WDR90: variants seen among roughly 807,000 people sequenced by gnomAD.
WDR90 encodes WD repeat-containing protein 90.
WDR90 carries 238 observed loss-of-function variants against 195.2 expected under a neutral mutation model. The ratio of observed to expected loss-of-function variants is 1.22; its 90% CI spans 1.10 to 1.36. The LOEUF (loss-of-function observed/expected upper bound fraction) is 1.36. WDR90 is among the 40% of genes most tolerant of loss of function. WDR90 has a pLI of 0.00. For synonymous variants in WDR90, 1,265 were observed against 1,052.4 expected (o/e 1.20, Z -3.91); for missense variants, 2,734 against 2,439.5 (o/e 1.12, Z -2.54).
Position 667,004 on chromosome 16 carries a change from A to G in WDR90, c.5089+15A>G. On this transcript the variant is annotated intron_variant, in intron 40 of 40. Transcript: ENST00000293879. ...TGGCTTTGCTGGTGAGTGCTGGTGG[A>G]TGCAGTTTGGGCCTGTCTTAGGTGG... is the stretch of plus-strand genomic sequence containing the variant. The G allele has an allele frequency of 6.3e-7, 1 of 1,580,628 alleles. No individual in the cohort carries two copies. Among genetic ancestry groups the G allele is most frequent in the Non-Finnish European group, 8.6e-7 (1 of 1,163,342 alleles).
At chr16:649,613 C>A in intron 1 of WDR90, 150 bp from the exon 2 acceptor site, 1 of 1,138,490 alleles carries the variant, frequency 8.8e-7, no homozygotes, top group Non-Finnish European at 1.1e-6. Flanking sequence ...GGCGCCCGGC[C>A]TCGTCCCGCC....
At chr16:661,316 C>T (rs1372591483) in intron 29 of WDR90, 26 bp from the exon 30 acceptor site, 2 of 1,570,932 alleles carry the variant, frequency 1.3e-6, no homozygotes, top group Admixed American at 3.4e-5. Flanking sequence ...GGCCTCCCCA[C>T]TCACGCCTGG....
At position 667,601 on chromosome 16, in the gene WDR90, G is replaced by T. The variant is rs1295431565; in HGVS notation, c.*12G>T. The T allele has an allele frequency of 1.9e-6, 3 of 1,604,688 alleles. No individual in the cohort carries two copies. The highest frequency in any genetic ancestry group is 1.3e-5 in the African/African-American group (1 of 75,054). On this transcript the variant is annotated 3_prime_UTR_variant, in exon 41 of 41. Transcript: ENST00000293879. ...TCCCCGGCCTCTGAGATGCAGCAGG[G>T]ACTGTGGTGGTGGGCATCACGCCTG...
chr16:651,999 A>G lies in WDR90; in HGVS notation c.1013A>G (p.Glu338Gly). ...AAAGTHVLTHESAEVPVARTG... is the reference protein window; with the variant it reads ...AAAGTHVLTHGSAEVPVARTG... ...GCCGGCACCCACGTGTTGACTCACG[A>G]GTCGGCTGAGGTGCCCGTGGCCCGC... The change falls in exon 9 of 41, where the codon GAG (glutamate) becomes GGG (glycine). Residue 338 changes from glutamate (E) to glycine (G), a missense_variant. Transcript: ENST00000293879. 6.2e-7 allele frequency: 1 copy of G among 1,605,118 alleles called. No homozygotes were observed. The highest frequency in any genetic ancestry group is 8.5e-7 in the Non-Finnish European group (1 of 1,177,166).
chr16:655,209 C>T, intron 14 of WDR90, 62 bp downstream of exon 14: 2 of 1,611,964 alleles, frequency 1.2e-6, no homozygotes, highest in Non-Finnish European at 1.7e-6. Context: ...GGGGCCGAGG[C>T]CCGAGCACCT....
chr16:659,489 T>G (rs1236768708), intron 26 of WDR90, 113 bp downstream of exon 26: 1 of 1,401,912 alleles, frequency 7.1e-7, no homozygotes. Flanking sequence ...GTGCCATCGC[T>G]GCTCATCAGG....
intron 4 of WDR90, 28 bp downstream of exon 4, chr16:650,390 C>G: frequency 6.2e-7 from 1 of 1,601,952 alleles, no homozygotes; most frequent in South Asian, 1.1e-5. Context: ...TGTGGATGAT[C>G]CAGGACAGGT....
intron 18 of WDR90, 91 bp downstream of exon 18, chr16:656,628 C>T: frequency 6.4e-7 from 1 of 1,571,454 alleles, no homozygotes; most frequent in Non-Finnish European, 8.6e-7. Flanking sequence ...CTATAGGGAC[C>T]TGGACTTTCC....
Position 667,595 on chromosome 16 carries a change from A to G in WDR90, c.*6A>G. 1 of 1,605,818 alleles carries G rather than the reference A, an allele frequency of 6.2e-7. No homozygotes were observed. Among genetic ancestry groups the G allele is most frequent in the South Asian group, 1.1e-5 (1 of 91,056 alleles). Reference sequence around the variant, plus strand: ...GGGAGGTCCCCGGCCTCTGAGATGCAGCAGGGACTGTGGTGGTGGGCATCA... The same window carrying G: ...GGGAGGTCCCCGGCCTCTGAGATGCGGCAGGGACTGTGGTGGTGGGCATCA... On this transcript the variant is annotated 3_prime_UTR_variant, in exon 41 of 41. Transcript: ENST00000293879.
In WDR90 at chr16:662,757, C is replaced by T. The variant is rs749258865; in HGVS notation, c.4224C>T (p.Gly1408=). The T allele has an allele frequency of 5.0e-5, 80 of 1,606,158 alleles. No individual in the cohort carries two copies. In the Admixed American group the frequency reaches 7.4e-4, roughly 15 times the overall value. The change falls in exon 34 of 41, where the codon GGC becomes GGT. Residue 1408 remains glycine (G), a synonymous_variant. Transcript: ENST00000293879. ...GCTTCGATGACAGCGTGGACATGGGCGTCGTGGGCACCACGGCGGGCACGC... is the reference window on the plus strand; with the variant it reads ...GCTTCGATGACAGCGTGGACATGGGTGTCGTGGGCACCACGGCGGGCACGC... ...SASFDDSVDM[G]VVGTTAGTLW...
intron 28 of WDR90, 48 bp from the exon 29 acceptor site, chr16:661,003 C>CCCTGTTCGGCCCCACCCCAGG: frequency 1.1e-5 from 1 of 94,710 alleles, no homozygotes. Context: ...CCTCCCCGCC[C>CCCTGTTCGGCCCCACCCCAGG]CCCCCCCCCC....
At chr16:663,240 C>T (rs1053424678) in intron 34 of WDR90, 7 of 353,346 alleles carry the variant, frequency 2.0e-5, no homozygotes, top group Admixed American at 8.1e-5. Context: ...GAGTTCGAGA[C>T]CAGCCTGGTC....
intron 26 of WDR90, among the ~76,000 whole-genome samples, 168 bp from the exon 27 acceptor site, chr16:659,890 C>T (rs1251894429): frequency 2.0e-5 from 3 of 152,202 alleles, no homozygotes; most frequent in Admixed American, 1.3e-4. Flanking sequence ...GGCAAGGTCA[C>T]CTGCAGTGGG....
Position 658,920 on chromosome 16 carries a change from G to C in WDR90, c.2920G>C (p.Val974Leu). The change falls in exon 24 of 41, where the codon GTG (valine) becomes CTG (leucine). Residue 974 changes from valine (V) to leucine (L), a missense_variant. Val to Leu is a conservative substitution (Grantham distance 32). Transcript: ENST00000293879. Reference protein sequence around the residue: ...PQVYIGHSEPVQAVAFSPDQQ... With the variant: ...PQVYIGHSEPLQAVAFSPDQQ... Reference sequence around the variant, plus strand: ...GGTGTACATCGGCCACTCGGAACCCGTGCAGGCTGTGGCCTTCTCTCCTGA... The same window carrying C: ...GGTGTACATCGGCCACTCGGAACCCCTGCAGGCTGTGGCCTTCTCTCCTGA... 3 of 1,612,360 alleles carry C rather than the reference G, an allele frequency of 1.9e-6. No individual in the cohort carries two copies. The highest frequency in any genetic ancestry group is 2.5e-6 in the Non-Finnish European group (3 of 1,179,928).
rs1451866556 is a variant in WDR90, at chr16:661,177, C to T, written c.3513+5C>T. The T allele has an allele frequency of 1.3e-6, 2 of 1,538,250 alleles. No individual in the cohort carries two copies. The highest frequency in any genetic ancestry group is 1.7e-6 in the Non-Finnish European group (2 of 1,147,444). On this transcript the variant is annotated splice_donor_5th_base_variant and intron_variant, in intron 29 of 40. Coordinates refer to ENST00000293879, the MANE Select transcript of WDR90 (RefSeq NM_145294.5). Reference sequence around the variant, plus strand: ...GCCCTCAGCCACAGTGCCCAGGTGCCCGCCTGCATCGCCCTCCTCCTCTCC... The same window carrying T: ...GCCCTCAGCCACAGTGCCCAGGTGCTCGCCTGCATCGCCCTCCTCCTCTCC...
At chr16:658,790 C>T (rs1207414442) in intron 23 of WDR90, 106 bp from the exon 24 acceptor site, 22 of 1,553,304 alleles carry the variant, frequency 1.4e-5, no homozygotes, top group Admixed American at 3.5e-5. Flanking sequence ...ATCCTCTGTG[C>T]CTCCGGGGCC....
intron 34 of WDR90, among the ~76,000 whole-genome samples, chr16:664,386 C>T (rs1199611852): frequency 3.3e-5 from 5 of 152,238 alleles, no homozygotes; most frequent in Admixed American, 3.3e-4. Context: ...CCAAGCCAGT[C>T]ATCCCTCTTG....
chr16:652,912 C>T (rs915004326), intron 10 of WDR90, among the ~76,000 whole-genome samples: 2 of 152,330 alleles, frequency 1.3e-5, no homozygotes, highest in Middle Eastern at 3.4e-3. Context: ...TGACGTGGGC[C>T]TTCTAGGAGA....
chr16:666,651 G>A lies in WDR90; in HGVS notation c.4885-22G>A, dbSNP rs377387842. On this transcript the variant is annotated intron_variant, in intron 38 of 40. Transcript: ENST00000293879. ...GGGGCCGGTACCCATCCACCCCACC[G>A]CAGCATGCTGCGCCTTTGCAGACTC... is the stretch of plus-strand genomic sequence containing the variant. 133 of 1,611,738 alleles carry A rather than the reference G, an allele frequency of 8.3e-5. No homozygotes were observed. In the South Asian group the frequency reaches 8.7e-4, roughly 11 times the overall value.
Sources: allele counts gnomAD v4.1 joint callset (sites outside exome capture counted in the v4.1 genomes callset), GRCh38; gene constraint gnomAD v4.1.1; transcripts MANE v1.5; gene names NCBI Gene and HGNC (gene_info 2026-07-23, HGNC 2026-07-21).